CHIC1: variants seen among roughly 807,000 people sequenced by gnomAD.
CHIC1 encodes the protein cysteine rich hydrophobic domain 1, also known as cysteine-rich hydrophobic domain-containing protein 1.
A neutral mutation model predicts 18.5 loss-of-function variants in CHIC1; 7 were observed. The observed-to-expected ratio is 0.38, with a 90% CI of 0.22 to 0.71. The LOEUF is 0.71. Ranked by LOEUF, CHIC1 falls within the 30% of genes least tolerant of loss-of-function variation. The pLI, the probability that CHIC1 is intolerant of heterozygous loss-of-function variation, is 0.49. For synonymous variants in CHIC1, 77 were observed against 73.5 expected (o/e 1.05, Z -0.25); for missense variants, 159 against 176.9 (o/e 0.90, Z 0.57).
chrX:73,578,823 T>C (rs2057513053), intron 2 of CHIC1: 1 of 110,407 alleles, frequency 9.1e-6, no homozygotes, highest in African/African-American at 3.3e-5. Context: ...TTAGTATTGC[T>C]TTCATTTTTA....
intron 3 of CHIC1, among the ~76,000 whole-genome samples, chrX:73,660,504 C>T (rs181245186): frequency 2.1e-4 from 23 of 111,950 alleles, no homozygotes; most frequent in East Asian, 2.8e-4. Context: ...ATACCCTACG[C>T]GAGTTGCAGT....
In CHIC1 at chrX:73,633,228, C is replaced by T. The variant is rs191207654; in HGVS notation, c.508-46098C>T. 7.4e-5 allele frequency among the ~76,000 whole-genome samples: 8 copies of T among 108,328 alleles called. No individual in the cohort carries two copies. In the East Asian group the frequency reaches 2.3e-3, roughly 32 times the overall value. The allele number at this position is 108,328 out of a possible 115,157, so 94.1% of individuals were successfully genotyped here. ...ACTGGTGATGAACTTACATCCCTCCCCCCACTGCCCCCCCACATTTGTGTA... is the reference window on the plus strand; with the variant it reads ...ACTGGTGATGAACTTACATCCCTCCTCCCACTGCCCCCCCACATTTGTGTA... On this transcript the variant is annotated intron_variant, in intron 3 of 5. Coordinates refer to ENST00000373502, the MANE Select transcript of CHIC1 (RefSeq NM_001039840.4).
intron 3 of CHIC1, among the ~76,000 whole-genome samples, chrX:73,625,047 C>A (rs2057777282): frequency 9.0e-6 from 1 of 111,659 alleles, no homozygotes. Flanking sequence ...TTTCCCTGAG[C>A]AGCCCTAGTA....
rs2057429604 is a variant in CHIC1, at chrX:73,563,566, C to G, written c.282C>G (p.Ala94=). ...CCGACCCTGTATTAGTGCGGGGTGC[C>G]GGCCACATCACTGTGTAAGCGAGAG... The part of the protein sequence containing the change: ...YAPDPVLVRG[A]GHITVFGLSN... Residue 94 remains alanine, a synonymous_variant, in exon 1 of 6, where the codon GCC becomes GCG. Transcript: ENST00000373502. 13 of 1,098,117 alleles carry G rather than the reference C, an allele frequency of 1.2e-5. No homozygotes were observed. Among genetic ancestry groups the G allele is most frequent in the Non-Finnish European group, 1.5e-5 (13 of 839,470 alleles). 90.5% of individuals were successfully genotyped at this position (1,098,117 alleles called of 1,213,427 possible).
intron 3 of CHIC1, among the ~76,000 whole-genome samples, chrX:73,612,561 A>G (rs1476086670): frequency 8.9e-6 from 1 of 111,760 alleles, no homozygotes; most frequent in Non-Finnish European, 1.9e-5. Flanking sequence ...ATTTCTTGTT[A>G]ACCCCATGGT....
intron 3 of CHIC1, among the ~76,000 whole-genome samples, chrX:73,590,516 C>T (rs1388888431): frequency 9.0e-6 from 1 of 111,148 alleles, no homozygotes; most frequent in Non-Finnish European, 1.9e-5. Flanking sequence ...TTGTGTTCTA[C>T]ATCCTATGGA....
At chrX:73,621,021 T>C (rs2057757651) in intron 3 of CHIC1, among the ~76,000 whole-genome samples, 1 of 111,875 alleles carries the variant, frequency 8.9e-6, no homozygotes, top group East Asian at 2.8e-4. Context: ...ATGTGTGGCA[T>C]TATTTCTGAG....
At chrX:73,601,776 G>GT (rs1194768680) in intron 3 of CHIC1, among the ~76,000 whole-genome samples, 3 of 106,903 alleles carry the variant, frequency 2.8e-5, no homozygotes, top group South Asian at 3.9e-4. Context: ...CCAGGAGCTG[G>GT]TTTTTTTGAA....
intron 1 of CHIC1, among the ~76,000 whole-genome samples, chrX:73,564,704 T>A (rs2057436011): frequency 9.1e-6 from 1 of 110,304 alleles, no homozygotes; most frequent in Non-Finnish European, 1.9e-5. Context: ...GCTCACCTAG[T>A]CCCTTTGACT....
chrX:73,610,644 T>C (rs1363968092), intron 3 of CHIC1, among the ~76,000 whole-genome samples: 1 of 109,124 alleles, frequency 9.2e-6, no homozygotes, highest in East Asian at 2.8e-4. Flanking sequence ...TAGTTTGTGA[T>C]GAATTGGTGT....
At position 73,682,584 on chromosome X, in the gene CHIC1, T is replaced by C. The variant is rs1382945170; in HGVS notation, c.*1579T>C. On this transcript the variant is annotated 3_prime_UTR_variant, in exon 6 of 6. Coordinates refer to ENST00000373502, the MANE Select transcript of CHIC1 (RefSeq NM_001039840.4). ...CTTAAAATTTATGCCTAATTTGAAATCCACAGTCCTTGACCAGTTTAAAAA... is the reference window on the plus strand; with the variant it reads ...CTTAAAATTTATGCCTAATTTGAAACCCACAGTCCTTGACCAGTTTAAAAA... The C allele has an allele frequency of 8.9e-6, 1 of 111,820 alleles. No homozygotes were observed. Among genetic ancestry groups the C allele is most frequent in the Non-Finnish European group, 1.9e-5 (1 of 52,800 alleles). 9.2% of individuals were successfully genotyped at this position (111,820 alleles called of 1,213,427 possible).
At position 73,683,625 on chromosome X, in the gene CHIC1, A is replaced by G. The variant is rs1311176170; in HGVS notation, c.*2620A>G. The G allele has an allele frequency of 8.9e-6, 1 of 112,121 alleles. No individual in the cohort carries two copies. The highest frequency in any genetic ancestry group is 1.9e-5 in the Non-Finnish European group (1 of 52,962). 9.2% of individuals were successfully genotyped at this position (112,121 alleles called of 1,213,427 possible). On this transcript the variant is annotated 3_prime_UTR_variant, in exon 6 of 6. Coordinates refer to ENST00000373502, the MANE Select transcript of CHIC1 (RefSeq NM_001039840.4). ...GAAAGTAATTTTGAATTTCTTTGTT[A>G]CATAATATTCCTTTATGAAACTTGT...
chrX:73,603,243 A>G (rs779846837), intron 3 of CHIC1, among the ~76,000 whole-genome samples: 1 of 108,011 alleles, frequency 9.3e-6, no homozygotes, highest in East Asian at 2.8e-4. Context: ...TTGTATTCCT[A>G]GGCATTTTTT....
chrX:73,616,888 A>G (rs919395307), intron 3 of CHIC1, among the ~76,000 whole-genome samples: 1 of 111,995 alleles, frequency 8.9e-6, no homozygotes, highest in African/African-American at 3.2e-5. Context: ...GGTCTCTGAC[A>G]TGCCCTGGAG....
chrX:73,580,666 A>G (rs974448650), intron 2 of CHIC1, among the ~76,000 whole-genome samples: 1 of 111,098 alleles, frequency 9.0e-6, no homozygotes, highest in Non-Finnish European at 1.9e-5. Flanking sequence ...ATAAAAGAAA[A>G]AAGGTCTAAA....
Position 73,681,875 on chromosome X carries a change from TTTG to T in CHIC1, c.*875_*877del, listed in dbSNP as rs2058100669. 1 of 112,302 alleles carries T rather than the reference TTTG, an allele frequency of 8.9e-6. No homozygotes were observed. The highest frequency in any genetic ancestry group is 9.4e-5 in the Admixed American group (1 of 10,585). 9.3% of individuals were successfully genotyped at this position (112,302 alleles called of 1,213,427 possible). A position where few individuals can be genotyped will look rare whatever the true frequency, so the allele number is the denominator to read the frequency against. Reference sequence around the variant, plus strand: ...TTCCATTTCGTTTAATAATTTCCATTTTGTTGTCTACTCCTTCCCACAAAAAAA... The same window carrying T: ...TTCCATTTCGTTTAATAATTTCCATTTTGTCTACTCCTTCCCACAAAAAAA... On this transcript the variant is annotated 3_prime_UTR_variant, in exon 6 of 6. Coordinates refer to ENST00000373502, the MANE Select transcript of CHIC1 (RefSeq NM_001039840.4).
rs1264453359 is a variant in CHIC1 at position 73,609,904 on chromosome X, AACT to A, written c.507+25335_507+25337del. ...ACAAACATTCAAACTTATTCCTTTT[AACT>A]ACATGTCTCGCTGGCATTCCAGGTG... is the stretch of plus-strand genomic sequence containing the variant. On this transcript the variant is annotated intron_variant, in intron 3 of 5. Transcript: ENST00000373502. Among the ~76,000 whole-genome samples the A allele has an allele frequency of 2.4e-4, 26 of 108,542 alleles. 2 individuals are homozygous for A. Among genetic ancestry groups the A allele is most frequent in the African/African-American group, 9.3e-4 (26 of 27,891 alleles). The allele number at this position is 108,542 out of a possible 115,157, so 94.3% of individuals were successfully genotyped here.
At chrX:73,584,359 TTAGAGA>T in intron 2 of CHIC1, 52 bp from the exon 3 acceptor site, 8 of 981,496 alleles carry the variant, frequency 8.2e-6, no homozygotes, top group Admixed American at 3.4e-5. Flanking sequence ...TTTCTTAGAT[TTAGAGA>T]TAAACAGTGA....
chrX:73,686,671 C>T lies in CHIC1; in HGVS notation c.*5666C>T, dbSNP rs764778002. The T allele has an allele frequency of 3.6e-5, 4 of 111,310 alleles. No individual in the cohort carries two copies. Among genetic ancestry groups the T allele is most frequent in the East Asian group, 5.6e-4 (2 of 3,549 alleles). 9.2% of individuals were successfully genotyped at this position (111,310 alleles called of 1,213,427 possible). ...CAAGTGTTTGAAAGTATATAATCTA[C>T]GAGCGAATTTGCCCTCCTTGGACTA... On this transcript the variant is annotated 3_prime_UTR_variant, in exon 6 of 6. Transcript: ENST00000373502.
Sources: gnomAD v4.1 joint callset for allele counts (sites outside exome capture counted in the v4.1 genomes callset) on GRCh38, gnomAD v4.1.1 for gene constraint, MANE v1.5 for transcripts, NCBI Gene and HGNC (gene_info 2026-07-23, HGNC 2026-07-21) for gene names.